DCAF6: variants seen among roughly 807,000 people sequenced by gnomAD.
The protein encoded by DCAF6 is DDB1 and CUL4 associated factor 6, also known as DDB1- and CUL4-associated factor 6.
A neutral mutation model predicts 125.1 loss-of-function variants in DCAF6; 54 were observed. That is an observed-to-expected ratio of 0.43 (90% confidence interval 0.35 to 0.54). DCAF6 has a LOEUF of 0.54. Among genes scored for constraint, DCAF6 ranks in the 20% least tolerant of loss-of-function variants. DCAF6 has a pLI of 0.01. For synonymous variants in DCAF6, 371 were observed against 390.4 expected, an observed-to-expected ratio of 0.95 and a Z score of 0.58; for missense variants, 934 against 1,161.7, an observed-to-expected ratio of 0.80 and a Z score of 2.85.
At chr1:167,878,570 C>T in the DCAF6 span, 165 of 1,613,980 alleles carry the variant, frequency 1.0e-4, no homozygotes, top group Non-Finnish European at 1.3e-4. Context: ...GTGACAGAGT[C>T]GCAGGTCACA....
chr1:167,974,999 A>G lies in DCAF6; in HGVS notation c.422A>G (p.Tyr141Cys), dbSNP rs1677917996. 1 of 1,597,272 alleles carries G rather than the reference A, an allele frequency of 6.3e-7. No individual in the cohort carries two copies. Among genetic ancestry groups the G allele is most frequent in the South Asian group, 1.2e-5 (1 of 86,830 alleles). Residue 141 changes from tyrosine to cysteine, a missense_variant, in exon 4 of 22, where the codon TAT (tyrosine) becomes TGT (cysteine). Tyr to Cys is a radical substitution (Grantham distance 194). This residue lies in a region of DCAF6 where 309 missense variants were observed against 381.2 expected (regional missense o/e 0.81). Transcript: ENST00000367840. ...AGACAATGCCAATTTACGTGTCATT[A>G]TGGAACTACTTATGAGGTATGGTAT... The part of the protein sequence containing the change: ...TNRQCQFTCH[Y>C]GTTYEIMTVP...
the DCAF6 span, among the ~76,000 whole-genome samples, chr1:167,908,455 C>A: frequency 0.11 from 17,225 of 151,864 alleles, 1,155 homozygotes; most frequent in African/African-American, 0.18. Context: ...TCAATTAGAC[C>A]CAATGAAAAA....
At chr1:168,007,989 T>TA (rs1553232180) in intron 10 of DCAF6, among the ~76,000 whole-genome samples, 10 of 134,146 alleles carry the variant, frequency 7.5e-5, no homozygotes, top group African/African-American at 2.7e-4. Flanking sequence ...TTTTTTTTTT[T>TA]AAAGACAGTC....
chr1:167,900,844 T>G, the DCAF6 span, among the ~76,000 whole-genome samples: 2 of 152,218 alleles, frequency 1.3e-5, no homozygotes, highest in Non-Finnish European at 2.9e-5. Context: ...ATTTGGAAAT[T>G]TTTAACAACA....
chr1:167,866,750 T>TTA, the DCAF6 span, among the ~76,000 whole-genome samples: 1 of 123,098 alleles, frequency 8.1e-6, no homozygotes, highest in Non-Finnish European at 1.8e-5. Flanking sequence ...AAAGTTCACT[T>TTA]AAAAAAAAAA....
the DCAF6 span, chr1:167,896,624 A>C: frequency 1.2e-6 from 2 of 1,613,742 alleles, no homozygotes; most frequent in Non-Finnish European, 1.7e-6. Context: ...ATAATAATGC[A>C]TGAAGGTCGT....
chr1:167,985,184 C>CGTGTGTGTGT lies in DCAF6; in HGVS notation c.439-2293_439-2284dup, dbSNP rs33966059. ...AGGTGAGATCATAGCCAAACCACGT[C>CGTGTGTGTGT]GTGTGTGTGTGTGTGTGTGTGTGTG... On this transcript the variant is annotated intron_variant, in intron 4 of 21. Coordinates refer to ENST00000367840, the MANE Select transcript of DCAF6 (RefSeq NM_001198956.2). Among the ~76,000 whole-genome samples, 470 of 147,032 alleles carry CGTGTGTGTGT rather than the reference C, an allele frequency of 3.2e-3. 1 individual carries two copies. The highest frequency in any genetic ancestry group is 6.5e-3 in the African/African-American group (264 of 40,316).
Position 167,972,109 on chromosome 1 carries a change from G to A in DCAF6, c.253-2721G>A, listed in dbSNP as rs142817166. ...GACTTCAGGTGATCCAGCTGCCTTGGCCTCCCAAAGTGCTGAGATTACAAG... is the reference window on the plus strand; with the variant it reads ...GACTTCAGGTGATCCAGCTGCCTTGACCTCCCAAAGTGCTGAGATTACAAG... On this transcript the variant is annotated intron_variant, in intron 3 of 21. Transcript: ENST00000367840. Among the ~76,000 whole-genome samples, 1,466 of 152,294 alleles carry A rather than the reference G, an allele frequency of 9.6e-3. 23 individuals are homozygous for A. Among genetic ancestry groups the A allele is most frequent in the African/African-American group, 0.034 (1,408 of 41,544 alleles).
At chr1:167,988,972 C>G (rs1032372381) in intron 5 of DCAF6, among the ~76,000 whole-genome samples, 2 of 151,800 alleles carry the variant, frequency 1.3e-5, no homozygotes, top group Non-Finnish European at 2.9e-5. Flanking sequence ...CCCAGCTACT[C>G]GGGAGGCTGA....
intron 2 of DCAF6, among the ~76,000 whole-genome samples, chr1:167,966,079 T>C (rs1402354482): frequency 6.6e-6 from 1 of 152,220 alleles, no homozygotes; most frequent in Non-Finnish European, 1.5e-5. Context: ...CAAGACTCCT[T>C]GTGTTTACCT....
chr1:167,994,827 A>G (rs1205704859), intron 7 of DCAF6, among the ~76,000 whole-genome samples: 5 of 152,106 alleles, frequency 3.3e-5, no homozygotes, highest in African/African-American at 1.2e-4. Context: ...TTTTATTTTC[A>G]GTGACCTTTT....
intron 2 of DCAF6, among the ~76,000 whole-genome samples, chr1:167,961,666 A>G (rs1397507301): frequency 6.6e-6 from 1 of 152,050 alleles, no homozygotes; most frequent in Non-Finnish European, 1.5e-5. Context: ...GTCTTACTGC[A>G]TTAGCTAGGA....
At chr1:167,879,861 C>T in the DCAF6 span, among the ~76,000 whole-genome samples, 1 of 152,124 alleles carries the variant, frequency 6.6e-6, no homozygotes, top group Non-Finnish European at 1.5e-5. Context: ...ATTACAGGAG[C>T]CCCTCATTCC....
At chr1:167,967,313 C>T (rs1219469587) in intron 3 of DCAF6, among the ~76,000 whole-genome samples, 1 of 152,050 alleles carries the variant, frequency 6.6e-6, no homozygotes, top group East Asian at 1.9e-4. Context: ...CTAATAAACT[C>T]CCTCACTAGA....
intron 13 of DCAF6, among the ~76,000 whole-genome samples, chr1:168,040,935 T>G (rs1405097027): frequency 1.3e-5 from 2 of 148,842 alleles, no homozygotes; most frequent in Non-Finnish European, 3.0e-5. Flanking sequence ...AAAAAAAGTA[T>G]ACAGACTTTT....
the DCAF6 span, chr1:167,903,912 G>C: frequency 6.2e-7 from 1 of 1,613,318 alleles, no homozygotes; most frequent in East Asian, 2.2e-5. Flanking sequence ...TTATGTGGTA[G>C]TTGAGGATCT....
At chr1:167,868,471 T>C in the DCAF6 span, among the ~76,000 whole-genome samples, 2 of 152,150 alleles carry the variant, frequency 1.3e-5, no homozygotes, top group African/African-American at 4.8e-5. Flanking sequence ...AGTTACATGG[T>C]GGAGTTCAAA....
At chr1:168,047,315 C>T (rs1442469911) in intron 16 of DCAF6, among the ~76,000 whole-genome samples, 3 of 152,058 alleles carry the variant, frequency 2.0e-5, no homozygotes, top group Non-Finnish European at 4.4e-5. Flanking sequence ...CTGAACTAGA[C>T]TAGCAGAATC....
chr1:167,992,143 A>G (rs969707748), intron 6 of DCAF6, among the ~76,000 whole-genome samples: 3 of 151,820 alleles, frequency 2.0e-5, no homozygotes, highest in Admixed American at 6.6e-5. Flanking sequence ...TGAATCTAAT[A>G]TAAACTAATG....
Sources: allele counts gnomAD v4.1 joint callset (sites outside exome capture counted in the v4.1 genomes callset), GRCh38; gene constraint gnomAD v4.1.1; regional missense constraint gnomAD v4.1.1; transcripts MANE v1.5; gene names NCBI Gene and HGNC (gene_info 2026-07-23, HGNC 2026-07-21).